Variants in TMC1 observed in about 807,000 individuals in gnomAD.
TMC1 encodes transmembrane channel like 1, also known as transmembrane channel-like protein 1.
Under a neutral mutation model 105.8 loss-of-function variants are expected in TMC1, and 84 were observed. That is an observed-to-expected ratio of 0.79 (90% CI 0.67 to 0.95). TMC1 has a LOEUF of 0.95. Among genes scored for constraint, TMC1 ranks in the 40% least tolerant of loss-of-function variants. The pLI is 0.00. For missense variants in TMC1, 817 were observed against 914.1 expected, an observed-to-expected ratio of 0.89 and a Z score of 1.37; for synonymous variants, 315 against 311.5, an observed-to-expected ratio of 1.01 and a Z score of -0.12.
At chr9:72,696,053 T>C (rs1444470881) in intron 7 of TMC1, among the ~76,000 whole-genome samples, 1 of 152,204 alleles carries the variant, frequency 6.6e-6, no homozygotes, top group African/African-American at 2.4e-5. Context: ...TGAGAAAACA[T>C]CTCCAATTGA....
chr9:72,818,687 G>T (rs550114097), intron 19 of TMC1: 1 of 152,316 alleles, frequency 6.6e-6, no homozygotes, highest in African/African-American at 2.4e-5. Context: ...AGGAAGAAAA[G>T]AATTTTATAA....
intron 8 of TMC1, among the ~76,000 whole-genome samples, chr9:72,717,163 A>T (rs1302073038): frequency 1.3e-5 from 2 of 152,212 alleles, no homozygotes; most frequent in Non-Finnish European, 2.9e-5. Flanking sequence ...CACCTTCTGC[A>T]TCGATCTTGC....
chr9:72,578,382 A>C (rs924240525), intron 2 of TMC1: 3 of 152,040 alleles, frequency 2.0e-5, no homozygotes, highest in African/African-American at 7.2e-5. Context: ...CTGCTTATTA[A>C]CTAACTGCAC....
chr9:72,759,846 CT>C (rs1394071870), intron 12 of TMC1, among the ~76,000 whole-genome samples: 1 of 152,150 alleles, frequency 6.6e-6, no homozygotes, highest in Non-Finnish European at 1.5e-5. Flanking sequence ...CTAGTGTTCT[CT>C]TCATGTCCTG....
At chr9:72,552,734 CTTGTG>C (rs1823877668) in intron 1 of TMC1, among the ~76,000 whole-genome samples, 1 of 152,138 alleles carries the variant, frequency 6.6e-6, no homozygotes, top group Non-Finnish European at 1.5e-5. Flanking sequence ...CAGCTGACCA[CTTGTG>C]TTGTTTGTCC....
At chr9:72,683,483 G>A (rs1311157775) in intron 5 of TMC1, among the ~76,000 whole-genome samples, 9 of 151,440 alleles carry the variant, frequency 5.9e-5, no homozygotes, top group Admixed American at 6.6e-5. Flanking sequence ...ATTACACAGT[G>A]TGTATTCATA....
chr9:72,638,858 T>A (rs1825578611), intron 4 of TMC1, among the ~76,000 whole-genome samples: 1 of 152,204 alleles, frequency 6.6e-6, no homozygotes, highest in African/African-American at 2.4e-5. Context: ...ATCTCTTAAT[T>A]CCTTCTCACT....
chr9:72,734,518 C>A (rs1827265738), intron 8 of TMC1, among the ~76,000 whole-genome samples: 2 of 151,756 alleles, frequency 1.3e-5, no homozygotes, highest in Admixed American at 1.3e-4. Context: ...ATAATTCTAC[C>A]AGCCTAACTA....
At chr9:72,593,263 G>C (rs1332708812) in intron 2 of TMC1, among the ~76,000 whole-genome samples, 6 of 152,342 alleles carry the variant, frequency 3.9e-5, no homozygotes, top group Non-Finnish European at 7.3e-5. Context: ...ATCTGGCGGA[G>C]TGTGGTGGCT....
At chr9:72,553,220 G>C (rs992399120) in intron 1 of TMC1, among the ~76,000 whole-genome samples, 1 of 152,114 alleles carries the variant, frequency 6.6e-6, no homozygotes, top group African/African-American at 2.4e-5. Flanking sequence ...TGATCCACCG[G>C]CCTCTGCTTC....
chr9:72,829,883 T>C (rs941104551), intron 21 of TMC1, among the ~76,000 whole-genome samples: 1 of 152,184 alleles, frequency 6.6e-6, no homozygotes, highest in Non-Finnish European at 1.5e-5. Flanking sequence ...TAAAATCCAA[T>C]AATATTCCTT....
intron 1 of TMC1, among the ~76,000 whole-genome samples, chr9:72,556,315 C>T (rs1587954734): frequency 6.6e-6 from 1 of 151,560 alleles, no homozygotes; most frequent in East Asian, 2.0e-4. Context: ...TGGGGTTTCA[C>T]CGTGTTGGCC....
chr9:72,679,209 G>C (rs914979783), intron 5 of TMC1, among the ~76,000 whole-genome samples: 2 of 151,994 alleles, frequency 1.3e-5, no homozygotes, highest in Admixed American at 6.6e-5. Flanking sequence ...AAATGGGTTT[G>C]TTTTTTCATG....
intron 13 of TMC1, among the ~76,000 whole-genome samples, chr9:72,775,176 C>T (rs1418246286): frequency 6.6e-6 from 1 of 152,108 alleles, no homozygotes; most frequent in African/African-American, 2.4e-5. Context: ...TTTCAGTCCC[C>T]AACAAACATG....
intron 1 of TMC1, among the ~76,000 whole-genome samples, chr9:72,528,921 GA>G (rs1007447322): frequency 1.4e-5 from 2 of 147,506 alleles, no homozygotes; most frequent in Admixed American, 6.7e-5. Flanking sequence ...AAATTATTTG[GA>G]AAAAAAAATG....
At chr9:72,718,876 T>C (rs2117938520) in intron 8 of TMC1, among the ~76,000 whole-genome samples, 1 of 152,226 alleles carries the variant, frequency 6.6e-6, no homozygotes, top group South Asian at 2.1e-4. Flanking sequence ...GTGTGGGGCT[T>C]GCTGTGGCTG....
chr9:72,816,787 T>C (rs1054827866), intron 19 of TMC1, among the ~76,000 whole-genome samples: 1 of 152,186 alleles, frequency 6.6e-6, no homozygotes, highest in Non-Finnish European at 1.5e-5. Flanking sequence ...AGGGTTGTCA[T>C]ATCTTTTATC....
chr9:72,801,453 C>G (rs1828468854), intron 17 of TMC1, among the ~76,000 whole-genome samples: 1 of 152,198 alleles, frequency 6.6e-6, no homozygotes, highest in South Asian at 2.1e-4. Context: ...AGCCCCAGTT[C>G]AGCCTACATA....
intron 18 of TMC1, among the ~76,000 whole-genome samples, chr9:72,810,832 A>C (rs1240697786): frequency 1.3e-5 from 2 of 152,190 alleles, no homozygotes; most frequent in Non-Finnish European, 2.9e-5. Context: ...TGTTGTGATG[A>C]CATTTAATTA....
Sources: gnomAD v4.1 joint callset for allele counts (sites outside exome capture counted in the v4.1 genomes callset) on GRCh38, gnomAD v4.1.1 for gene constraint, MANE v1.5 for transcripts, NCBI Gene and HGNC (gene_info 2026-07-23, HGNC 2026-07-21) for gene names.